The following KALRN variants were observed in gnomAD, a reference collection of about 807,000 sequenced individuals.
KALRN encodes kalirin.
A neutral mutation model predicts 353.7 loss-of-function variants in KALRN; 70 were observed. The observed-to-expected ratio is 0.20, with a 90% CI of 0.16 to 0.24. The LOEUF (loss-of-function observed/expected upper bound fraction) is 0.24. KALRN is among the 10% of genes least tolerant of loss of function. The pLI is 1.00. For synonymous variants in KALRN, 1,391 were observed against 1,434.8 expected (o/e 0.97, Z 0.69); for missense variants, 2,791 against 3,756.7 (o/e 0.74, Z 6.72).
In KALRN at chr3:124,495,980, T is replaced by TATATATATATATATATATATAC. The variant is rs2063735658; in HGVS notation, c.4833-310_4833-309insCATATATATATATATATATATA. ...GTGTATGTATGTATATATATATATA[T>TATATATATATATATATATATAC]ATATATATATATATATATATATATA... On this transcript the variant is annotated intron_variant, in intron 32 of 59. Coordinates refer to ENST00000682506, the MANE Select transcript of KALRN (RefSeq NM_001388419.1). Among the ~76,000 whole-genome samples the TATATATATATATATATATATAC allele has an allele frequency of 5.7e-5, 2 of 35,028 alleles. 1 individual carries two copies. The highest frequency in any genetic ancestry group is 2.2e-3 in the South Asian group (2 of 890). The allele number at this position is 35,028 out of a possible 152,430, so 23.0% of individuals were successfully genotyped here. A position where few individuals can be genotyped will look rare whatever the true frequency, so the allele number is the denominator to read the frequency against.
chr3:124,187,083 T>C (rs2074320990), intron 1 of KALRN, among the ~76,000 whole-genome samples: 1 of 152,200 alleles, frequency 6.6e-6, no homozygotes, highest in Non-Finnish European at 1.5e-5. Flanking sequence ...CTTTGTTTTT[T>C]ATCTTTTCTT....
At chr3:124,141,206 T>C (rs750909751) in intron 1 of KALRN, among the ~76,000 whole-genome samples, 18 of 152,216 alleles carry the variant, frequency 1.2e-4, no homozygotes, top group Admixed American at 2.6e-4. Context: ...CCTGGCTTTC[T>C]GAACCCTGCA....
intron 1 of KALRN, among the ~76,000 whole-genome samples, chr3:124,220,053 T>C (rs963701868): frequency 5.3e-5 from 8 of 152,098 alleles, no homozygotes; most frequent in Admixed American, 5.2e-4. Flanking sequence ...CAAGCACTTC[T>C]CCTGCCTCAG....
At chr3:124,267,419 G>A (rs62262821) in intron 4 of KALRN, among the ~76,000 whole-genome samples, 7,359 of 152,296 alleles carry the variant, frequency 0.048, 226 homozygotes, top group Non-Finnish European at 0.076. Flanking sequence ...CTGCTGGTCT[G>A]AGAGCTATGC....
At chr3:124,583,144 A>G (rs2074792003) in intron 34 of KALRN, among the ~76,000 whole-genome samples, 1 of 152,104 alleles carries the variant, frequency 6.6e-6, no homozygotes, top group Admixed American at 6.6e-5. Context: ...GGAAGCCCCA[A>G]ATCCTGGTAA....
intron 14 of KALRN, among the ~76,000 whole-genome samples, chr3:124,414,021 G>T (rs576525759): frequency 6.6e-6 from 1 of 152,012 alleles, no homozygotes; most frequent in African/African-American, 2.4e-5. Flanking sequence ...CAGGAGAATC[G>T]CTTCAACCTG....
intron 15 of KALRN, among the ~76,000 whole-genome samples, chr3:124,426,864 T>C (rs1354903794): frequency 2.6e-5 from 4 of 152,202 alleles, no homozygotes; most frequent in Admixed American, 2.0e-4. Flanking sequence ...CTAATGAGCA[T>C]AAAACTAAAT....
intron 34 of KALRN, among the ~76,000 whole-genome samples, chr3:124,584,043 A>C (rs2074874195): frequency 1.3e-5 from 2 of 152,148 alleles, no homozygotes; most frequent in African/African-American, 4.8e-5. Context: ...ACCGTGGAAT[A>C]TAGGAATTCT....
At chr3:124,177,144 G>A (rs1483724720) in intron 1 of KALRN, among the ~76,000 whole-genome samples, 2 of 152,168 alleles carry the variant, frequency 1.3e-5, no homozygotes, top group African/African-American at 4.8e-5. Flanking sequence ...ATGGTAATGG[G>A]GTTTCTTTAT....
At chr3:124,446,941 A>G in intron 21 of KALRN, 56 bp downstream of exon 21, 2 of 1,584,318 alleles carry the variant, frequency 1.3e-6, no homozygotes, top group Non-Finnish European at 1.7e-6. Flanking sequence ...CATTCTGGCC[A>G]ATTTCACATT....
intron 6 of KALRN, among the ~76,000 whole-genome samples, chr3:124,302,384 A>G (rs1200793583): frequency 6.6e-6 from 1 of 152,334 alleles, no homozygotes; most frequent in East Asian, 1.9e-4. Flanking sequence ...TGGTCAGGTC[A>G]GGTACATTTT....
At chr3:124,133,032 C>T (rs1460129098) in intron 1 of KALRN, 1 of 153,858 alleles carries the variant, frequency 6.5e-6, no homozygotes, top group Admixed American at 6.5e-5. Context: ...ACTCTCCTCA[C>T]AGCACGGCCT....
intron 33 of KALRN, among the ~76,000 whole-genome samples, chr3:124,555,627 A>G (rs1008327322): frequency 2.0e-5 from 3 of 152,116 alleles, no homozygotes; most frequent in Non-Finnish European, 4.4e-5. Flanking sequence ...AGAAAAAAAA[A>G]TTAACAGTTA....
At chr3:124,086,290 T>A (rs1015635220) in intron 1 of KALRN, among the ~76,000 whole-genome samples, 2 of 150,446 alleles carry the variant, frequency 1.3e-5, no homozygotes, top group Non-Finnish European at 3.0e-5. Context: ...TTTAGTCTCC[T>A]ACTAGGTTGG....
At chr3:124,522,839 G>A (rs2067273818) in intron 33 of KALRN, among the ~76,000 whole-genome samples, 1 of 152,194 alleles carries the variant, frequency 6.6e-6, no homozygotes, top group Non-Finnish European at 1.5e-5. Flanking sequence ...TGTTATCAAA[G>A]TAGTTATCCT....
intron 3 of KALRN, among the ~76,000 whole-genome samples, chr3:124,246,959 T>A (rs1333804717): frequency 2.0e-5 from 3 of 152,198 alleles, no homozygotes; most frequent in African/African-American, 7.2e-5. Context: ...GGATCCAGAT[T>A]TGGGGCTGTT....
intron 38 of KALRN, 66 bp downstream of exon 38, chr3:124,651,004 T>TG: frequency 6.3e-7 from 1 of 1,588,996 alleles, no homozygotes; most frequent in Middle Eastern, 2.2e-4. Context: ...GGACAAAGGT[T>TG]GGGGAAAATT....
intron 51 of KALRN, among the ~76,000 whole-genome samples, chr3:124,682,607 C>T (rs543835886): frequency 1.3e-5 from 2 of 152,178 alleles, no homozygotes; most frequent in Non-Finnish European, 1.5e-5. Flanking sequence ...ATAAGTGGAC[C>T]AAATGGTTCC....
chr3:124,398,868 C>G lies in KALRN; in HGVS notation c.2343C>G (p.Ile781Met). ...LQLRIFEQYT[I>M]EVTAELDAWN... is the part of the protein sequence containing the mutation. ...TGCGCATCTTTGAGCAGTACACCAT[C>G]GAGGTAGCAGGGGGCCAGGAGGGGA... Residue 781 changes from isoleucine to methionine, a missense_variant, in exon 13 of 60, where the codon ATC becomes ATG. Coordinates refer to ENST00000682506, the MANE Select transcript of KALRN (RefSeq NM_001388419.1). 8 of 1,603,434 alleles carry G rather than the reference C, an allele frequency of 5.0e-6. No homozygotes were observed. Among genetic ancestry groups the G allele is most frequent in the Non-Finnish European group, 6.8e-6 (8 of 1,174,118 alleles).
Sources: allele counts gnomAD v4.1 joint callset (sites outside exome capture counted in the v4.1 genomes callset), GRCh38; gene constraint gnomAD v4.1.1; transcripts MANE v1.5; gene names NCBI Gene and HGNC (gene_info 2026-07-23, HGNC 2026-07-21).